Variants in ABAT observed in about 807,000 individuals in gnomAD.
ABAT encodes the protein 4-aminobutyrate aminotransferase.
Under a neutral mutation model 64.6 loss-of-function variants are expected in ABAT, and 45 were observed. That is an observed-to-expected ratio of 0.70 (90% CI 0.55 to 0.89). The LOEUF is 0.89. Ranked by LOEUF, ABAT falls within the 40% of genes least tolerant of loss-of-function variation. The pLI is 0.00. For synonymous variants in ABAT, 297 were observed against 250.5 expected (o/e 1.19, Z -1.75); for missense variants, 633 against 658.4 (o/e 0.96, Z 0.42).
At chr16:8,712,256 C>G (rs865961008) in intron 1 of ABAT, among the ~76,000 whole-genome samples, 41 of 152,040 alleles carry the variant, frequency 2.7e-4, no homozygotes, top group African/African-American at 9.7e-4. Context: ...AAAGAAATTA[C>G]TATTTTTGTT....
At chr16:8,694,475 T>G (rs1343831745) in intron 1 of ABAT, among the ~76,000 whole-genome samples, 1 of 152,120 alleles carries the variant, frequency 6.6e-6, no homozygotes, top group African/African-American at 2.4e-5. Flanking sequence ...ACAATAGCCT[T>G]GAGCTCCTGG....
In ABAT at chr16:8,776,563, C is replaced by G; in HGVS notation, c.1269+73C>G. The G allele has an allele frequency of 6.9e-7, 1 of 1,449,418 alleles. No homozygotes were observed. The highest frequency in any genetic ancestry group is 1.2e-5 in the South Asian group (1 of 82,062). The allele number at this position is 1,449,418 out of a possible 1,614,324, so 89.8% of individuals were successfully genotyped here. A position where few individuals can be genotyped will look rare whatever the true frequency, so the allele number is the denominator to read the frequency against. On this transcript the variant is annotated intron_variant, in intron 14 of 15. Coordinates refer to ENST00000268251, the MANE Select transcript of ABAT (RefSeq NM_020686.6). The surrounding 1 kb of genome is among the most constrained non-coding windows in gnomAD (Gnocchi z 4.4). ...AGCAGCCTCCGGGGCAACACTGGAG[C>G]TCTTCGGCATGGTGTTGTGCCTGCT... is the stretch of plus-strand genomic sequence containing the variant.
At chr16:8,710,727 A>AGAGAGAGAGAGAGAGAGAGGGAGG (rs146344975) in intron 1 of ABAT, among the ~76,000 whole-genome samples, 5 of 103,754 alleles carry the variant, frequency 4.8e-5, no homozygotes, top group East Asian at 4.5e-4. Flanking sequence ...AGAGAGAGAG[A>AGAGAGAGAGAGAGAGAGAGGGAGG]GAGGAAATAG....
At chr16:8,712,006 G>GGC (rs1555485855) in intron 1 of ABAT, among the ~76,000 whole-genome samples, 2 of 16,518 alleles carry the variant, frequency 1.2e-4, no homozygotes, top group East Asian at 0.013. Flanking sequence ...TTGGGAGGTC[G>GGC]GGGGGGAGGG....
In ABAT at chr16:8,783,776, T is replaced by C. The variant is rs1459713788; in HGVS notation, c.*2346T>C. ...CAGGGCACAACCAGAAAAGTGGCTC[T>C]CTTTGGTAGGGAGAGGGGCTCCAAT... On this transcript the variant is annotated 3_prime_UTR_variant, in exon 16 of 16. Coordinates refer to ENST00000268251, the MANE Select transcript of ABAT (RefSeq NM_020686.6). 6.6e-6 allele frequency: 1 copy of C among 152,226 alleles called. No homozygotes were observed. The highest frequency in any genetic ancestry group is 2.4e-5 in the African/African-American group (1 of 41,460). The allele number at this position is 152,226 out of a possible 1,614,324, so 9.4% of individuals were successfully genotyped here. A position where few individuals can be genotyped will look rare whatever the true frequency, so the allele number is the denominator to read the frequency against.
chr16:8,717,321 G>A (rs2058241962), intron 1 of ABAT, among the ~76,000 whole-genome samples: 1 of 152,086 alleles, frequency 6.6e-6, no homozygotes, highest in Admixed American at 6.6e-5. Context: ...TATTGATTAT[G>A]TATCAAAATT....
At chr16:8,689,255 C>T (rs546219717) in intron 1 of ABAT, among the ~76,000 whole-genome samples, 1 of 152,112 alleles carries the variant, frequency 6.6e-6, no homozygotes, top group Non-Finnish European at 1.5e-5. Context: ...TTCATTTGGC[C>T]CAGTATCACT....
chr16:8,721,507 C>G (rs1224026994), intron 1 of ABAT, among the ~76,000 whole-genome samples: 1 of 152,200 alleles, frequency 6.6e-6, no homozygotes, highest in African/African-American at 2.4e-5. Context: ...GCGTCAGGTG[C>G]AGCCAACGCT....
chr16:8,738,622 G>GTTTTTTT (rs1204824310), intron 2 of ABAT, among the ~76,000 whole-genome samples: 1 of 111,374 alleles, frequency 9.0e-6, no homozygotes, highest in African/African-American at 4.6e-5. Flanking sequence ...TTTTGTTTTT[G>GTTTTTTT]TTTTTGTTTT....
chr16:8,749,747 T>C (rs1596453821), intron 4 of ABAT, among the ~76,000 whole-genome samples: 2 of 151,846 alleles, frequency 1.3e-5, no homozygotes, highest in African/African-American at 4.8e-5. Context: ...GGAGTCTCAC[T>C]CTGTCGCCCC....
chr16:8,725,154 G>C (rs915793361), intron 1 of ABAT, among the ~76,000 whole-genome samples: 1 of 152,296 alleles, frequency 6.6e-6, no homozygotes, highest in East Asian at 1.9e-4. Context: ...GACCTCAGGT[G>C]ATCTACCCGT....
Position 8,781,901 on chromosome 16 carries a change from C to A in ABAT, c.*471C>A. 1 of 314,632 alleles carries A rather than the reference C, an allele frequency of 3.2e-6. No homozygotes were observed. Among genetic ancestry groups the A allele is most frequent in the South Asian group, 3.0e-5 (1 of 33,674 alleles). The allele number at this position is 314,632 out of a possible 1,614,324, so 19.5% of individuals were successfully genotyped here. A position where few individuals can be genotyped will look rare whatever the true frequency, so the allele number is the denominator to read the frequency against. On this transcript the variant is annotated 3_prime_UTR_variant, in exon 16 of 16. Transcript: ENST00000268251. This position sits in a 1 kb window ranked among gnomAD's most constrained non-coding sequence, Gnocchi z 4.5. ...GCAAACACACTCTCACCTCCTCTCCCAGCCTCCCGGAGCTCTGAGCACGCC... is the reference window on the plus strand; with the variant it reads ...GCAAACACACTCTCACCTCCTCTCCAAGCCTCCCGGAGCTCTGAGCACGCC...
chr16:8,701,492 C>T (rs1284497913), intron 1 of ABAT, among the ~76,000 whole-genome samples: 1 of 152,218 alleles, frequency 6.6e-6, no homozygotes, highest in Non-Finnish European at 1.5e-5. Context: ...CTGGAACAGT[C>T]CCCGATGGGT....
At chr16:8,722,869 T>C in intron 1 of ABAT, 3 of 1,288,998 alleles carry the variant, frequency 2.3e-6, no homozygotes, top group African/African-American at 3.0e-5. Context: ...GGGAAAATGC[T>C]GTGGCAAATT....
Position 8,779,489 on chromosome 16 carries a change from C to A in ABAT, c.1280C>A (p.Pro427His). 6.2e-7 allele frequency: 1 copy of A among 1,614,092 alleles called. No individual in the cohort carries two copies. Among genetic ancestry groups the A allele is most frequent in the Non-Finnish European group, 8.5e-7 (1 of 1,179,994 alleles). The change falls in exon 15 of 16, where the codon CCC (proline) becomes CAC (histidine). Residue 427 changes from proline to histidine, a missense_variant. By Grantham distance (77) the Pro-to-His change is moderately conservative (BLOSUM62 -2). Coordinates refer to ENST00000268251, the MANE Select transcript of ABAT (RefSeq NM_020686.6). ...TGLLDLQARY[P>H]QFISRVRGRG... is the part of the protein sequence containing the mutation. ...CTCCTCCCACTACAGGCCCGGTACC[C>A]CCAGTTCATCAGCAGGGTGAGAGGA...
chr16:8,728,122 G>C (rs11645254), intron 1 of ABAT, among the ~76,000 whole-genome samples: 53,402 of 152,124 alleles, frequency 0.35, 9,821 homozygotes, highest in East Asian at 0.5. Flanking sequence ...GTGCCTTGCT[G>C]ATAACAGGTG....
Position 8,776,272 on chromosome 16 carries a change from G to T in ABAT, c.1123-72G>T. 1 of 1,607,378 alleles carries T rather than the reference G, an allele frequency of 6.2e-7. No homozygotes were observed. Among genetic ancestry groups the T allele is most frequent in the Non-Finnish European group, 8.5e-7 (1 of 1,175,958 alleles). Reference sequence around the variant, plus strand: ...TCTCCTCTTCAAGAGAGGAGGCGGGGCGCCTGGGGTAAGTGACTCCTGCAG... The same window carrying T: ...TCTCCTCTTCAAGAGAGGAGGCGGGTCGCCTGGGGTAAGTGACTCCTGCAG... On this transcript the variant is annotated intron_variant, in intron 13 of 15. Coordinates refer to ENST00000268251, the MANE Select transcript of ABAT (RefSeq NM_020686.6). The surrounding 1 kb of genome is among the most constrained non-coding windows in gnomAD (Gnocchi z 4.4).
chr16:8,707,274 C>T (rs2057968087), intron 1 of ABAT, among the ~76,000 whole-genome samples: 1 of 151,952 alleles, frequency 6.6e-6, no homozygotes, highest in South Asian at 2.1e-4. Context: ...GCAGCCTCGA[C>T]CTCCCAGACT....
chr16:8,734,145 T>C (rs1235730466), intron 1 of ABAT, among the ~76,000 whole-genome samples: 2 of 152,176 alleles, frequency 1.3e-5, no homozygotes, highest in African/African-American at 4.8e-5. Flanking sequence ...ATCTGTAAAA[T>C]GGGGATAATC....
Sources: allele counts gnomAD v4.1 joint callset (sites outside exome capture counted in the v4.1 genomes callset), GRCh38; gene constraint gnomAD v4.1.1; non-coding constraint Gnocchi (gnomAD v3.1); transcripts MANE v1.5; gene names NCBI Gene and HGNC (gene_info 2026-07-23, HGNC 2026-07-21).